Variants in SEMA3D observed in about 807,000 individuals in gnomAD.
SEMA3D encodes the protein semaphorin-3D.
Under a neutral mutation model 100.1 loss-of-function variants are expected in SEMA3D, and 84 were observed. The ratio of observed to expected loss-of-function variants is 0.84; its 90% CI spans 0.70 to 1.01. The LOEUF is 1.01. Among genes scored for constraint, SEMA3D ranks in the 50% least tolerant of loss-of-function variants. The pLI is 0.00. For synonymous variants in SEMA3D, 312 were observed against 320.7 expected (o/e 0.97, Z 0.29); for missense variants, 875 against 934.1 (o/e 0.94, Z 0.82).
chr7:85,049,964 G>T (rs1791114310), intron 9 of SEMA3D, among the ~76,000 whole-genome samples: 1 of 151,636 alleles, frequency 6.6e-6, no homozygotes. Flanking sequence ...AAAATGAATA[G>T]AATTCAAAAG....
Position 85,097,978 on chromosome 7 carries a change from A to T in SEMA3D, c.152-13T>A, listed in dbSNP as rs777620294. ...GAAAGCAGCAAGTCTATGGAAAGCA[A>T]AAAAAGAAAAGAAAGGAGAAAGAAA... On this transcript the variant is annotated splice_polypyrimidine_tract_variant and intron_variant, in intron 3 of 18. Transcript: ENST00000284136. 7.0e-7 allele frequency: 1 copy of T among 1,436,880 alleles called. No individual in the cohort carries two copies. Among genetic ancestry groups the T allele is most frequent in the Non-Finnish European group, 9.3e-7 (1 of 1,077,360 alleles). 89.0% of individuals were successfully genotyped at this position (1,436,880 alleles called of 1,614,324 possible). A position where few individuals can be genotyped will look rare whatever the true frequency, so the allele number is the denominator to read the frequency against.
chr7:85,062,461 TTAGA>T (rs1426815622), intron 8 of SEMA3D, among the ~76,000 whole-genome samples: 1 of 151,832 alleles, frequency 6.6e-6, no homozygotes, highest in African/African-American at 2.4e-5. Context: ...TAGAAATAGA[TTAGA>T]TAAAGGAGAG....
intron 9 of SEMA3D, among the ~76,000 whole-genome samples, chr7:85,047,085 T>A (rs902036627): frequency 6.6e-6 from 1 of 151,868 alleles, no homozygotes; most frequent in African/African-American, 2.4e-5. Context: ...GGGTGGTAAG[T>A]ACAGAGGGTG....
At chr7:85,080,004 C>A (rs1252996484) in intron 5 of SEMA3D, among the ~76,000 whole-genome samples, 1 of 152,150 alleles carries the variant, frequency 6.6e-6, no homozygotes, top group Non-Finnish European at 1.5e-5. Context: ...TAATTCCTTT[C>A]ATTTCTAGTG....
chr7:85,064,712 A>G (rs543057722), intron 8 of SEMA3D, among the ~76,000 whole-genome samples: 1 of 152,264 alleles, frequency 6.6e-6, no homozygotes, highest in African/African-American at 2.4e-5. Context: ...TCATGATAAA[A>G]TTTGATCTGT....
intron 2 of SEMA3D, among the ~76,000 whole-genome samples, chr7:85,135,640 G>C (rs893926932): frequency 1.3e-5 from 2 of 149,248 alleles, no homozygotes; most frequent in Non-Finnish European, 3.0e-5. Context: ...ATGTACCCTA[G>C]AACTTTAAGT....
At chr7:85,035,627 G>A (rs1430058529) in intron 12 of SEMA3D, among the ~76,000 whole-genome samples, 1 of 151,944 alleles carries the variant, frequency 6.6e-6, no homozygotes, top group Non-Finnish European at 1.5e-5. Flanking sequence ...CAAAGTTTCT[G>A]TTAGCTAAGA....
At chr7:85,139,292 G>A (rs1395525104) in intron 2 of SEMA3D, among the ~76,000 whole-genome samples, 2 of 151,986 alleles carry the variant, frequency 1.3e-5, no homozygotes, top group East Asian at 1.9e-4. Flanking sequence ...CAGAGCCACT[G>A]GGTTAAATGT....
At chr7:85,142,898 G>C (rs1332550764) in intron 2 of SEMA3D, 8 of 984,902 alleles carry the variant, frequency 8.1e-6, no homozygotes, top group Non-Finnish European at 9.6e-6. Context: ...TCCATGAGTT[G>C]AAAAGACTTT....
chr7:85,008,217 T>G lies in SEMA3D; in HGVS notation c.1769-1276A>C, dbSNP rs556722708. ...ATTTTGTCAACAAAGTAGGGGACGA[T>G]GTAGGTTGATTGTTGGGATATGGGG... On this transcript the variant is annotated intron_variant, in intron 17 of 18. Coordinates refer to ENST00000284136, the MANE Select transcript of SEMA3D (RefSeq NM_001384900.1). 7.9e-5 allele frequency among the ~76,000 whole-genome samples: 12 copies of G among 151,848 alleles called. No homozygotes were observed. The South Asian group carries it at 2.5e-3, about 31-fold the overall frequency.
At position 85,121,764 on chromosome 7, in the gene SEMA3D, G is replaced by A; in HGVS notation, c.128C>T (p.Pro43Leu). The change falls in exon 3 of 19, where the codon CCA becomes CTA. Residue 43 changes from proline to leucine, a missense_variant. Pro to Leu is a moderately conservative substitution (Grantham distance 98). Transcript: ENST00000284136. Reference sequence around the variant, plus strand: ...ACCTTTGTAGGTTAGCTTGAGTCTTGGAATATTTTGCTTCAAAGTGCCAGT... The same window carrying A: ...ACCTTTGTAGGTTAGCTTGAGTCTTAGAATATTTTGCTTCAAAGTGCCAGT... ...PVTGTLKQNI[P>L]RLKLTYKDLL... The A allele has an allele frequency of 6.3e-7, 1 of 1,593,440 alleles. No individual in the cohort carries two copies. Among genetic ancestry groups the A allele is most frequent in the Non-Finnish European group, 8.6e-7 (1 of 1,167,604 alleles).
chr7:85,093,105 C>A (rs182153656), intron 4 of SEMA3D, among the ~76,000 whole-genome samples: 1 of 151,882 alleles, frequency 6.6e-6, no homozygotes, highest in Non-Finnish European at 1.5e-5. Flanking sequence ...TTTATGTTTC[C>A]CTTGGGTTAC....
At chr7:85,238,272 T>C in the SEMA3D span, among the ~76,000 whole-genome samples, 1 of 152,302 alleles carries the variant, frequency 6.6e-6, no homozygotes, top group African/African-American at 2.4e-5. Flanking sequence ...ATCTAAAAAG[T>C]TATTGCCATA....
At chr7:85,085,551 T>C (rs1479614339) in intron 4 of SEMA3D, among the ~76,000 whole-genome samples, 1 of 152,152 alleles carries the variant, frequency 6.6e-6, no homozygotes, top group Non-Finnish European at 1.5e-5. Context: ...ATTAGACATA[T>C]AATTATGAAA....
chr7:85,226,805 A>G, the SEMA3D span, among the ~76,000 whole-genome samples: 7 of 152,296 alleles, frequency 4.6e-5, no homozygotes, highest in East Asian at 7.7e-4. Context: ...TGGAATAGAA[A>G]CTTTACTGAT....
At chr7:85,036,066 G>T (rs1790683871) in intron 12 of SEMA3D, among the ~76,000 whole-genome samples, 1 of 151,814 alleles carries the variant, frequency 6.6e-6, no homozygotes, top group South Asian at 2.1e-4. Flanking sequence ...ATTTTCCTCA[G>T]ATATTTTGGT....
the SEMA3D span, among the ~76,000 whole-genome samples, chr7:85,240,465 T>C: frequency 6.6e-6 from 1 of 152,158 alleles, no homozygotes; most frequent in African/African-American, 2.4e-5. Flanking sequence ...TTTAATAATT[T>C]CTTCTTCTGG....
intron 1 of SEMA3D, among the ~76,000 whole-genome samples, chr7:85,183,260 C>A (rs1456223418): frequency 1.1e-4 from 17 of 152,238 alleles, no homozygotes; most frequent in South Asian, 2.1e-4. Context: ...TTTATGATAA[C>A]CCTTTTGATA....
intron 3 of SEMA3D, among the ~76,000 whole-genome samples, chr7:85,114,884 A>G (rs1437631120): frequency 1.3e-5 from 2 of 152,194 alleles, no homozygotes; most frequent in East Asian, 3.8e-4. Flanking sequence ...TATTATTTTC[A>G]GATGATAATT....
Sources: allele counts gnomAD v4.1 joint callset (sites outside exome capture counted in the v4.1 genomes callset), GRCh38; gene constraint gnomAD v4.1.1; transcripts MANE v1.5; gene names NCBI Gene and HGNC (gene_info 2026-07-23, HGNC 2026-07-21).